Variants in HS1BP3 observed in about 807,000 individuals in gnomAD.
HS1BP3 encodes HCLS1-binding protein 3.
In HS1BP3, 32 loss-of-function variants were observed where a neutral mutation model predicts 33.5. The ratio of observed to expected loss-of-function variants is 0.95; its 90% CI spans 0.72 to 1.28. The LOEUF (loss-of-function observed/expected upper bound fraction) is 1.28, where lower values mean the gene tolerates loss of function less well. HS1BP3 is among the 50% of genes most tolerant of loss of function. The pLI, the probability that HS1BP3 is intolerant of heterozygous loss-of-function variation, is 0.00. For synonymous variants in HS1BP3, 187 were observed against 209.2 expected (o/e 0.89, Z 0.92); for missense variants, 486 against 502.3 (o/e 0.97, Z 0.31).
chr2:20,557,169 G>GATGCAA (rs1692861238), downstream of HS1BP3, among the ~76,000 whole-genome samples: 1 of 152,192 alleles, frequency 6.6e-6, no homozygotes, highest in African/African-American at 2.4e-5. Flanking sequence ...TGTAAATTCT[G>GATGCAA]ATGCAAATGC....
chr2:20,578,276 G>A (rs1487032448), intron 5 of HS1BP3, among the ~76,000 whole-genome samples: 6 of 152,316 alleles, frequency 3.9e-5, no homozygotes, highest in Non-Finnish European at 5.9e-5. Flanking sequence ...CCTCAGAGGC[G>A]GGATGGGATG....
downstream of HS1BP3, among the ~76,000 whole-genome samples, chr2:20,559,761 G>A (rs1028363934): frequency 6.6e-6 from 1 of 151,972 alleles, no homozygotes. Context: ...ATGGATAGAT[G>A]GGTGGCAGAC....
downstream of HS1BP3, among the ~76,000 whole-genome samples, chr2:20,614,211 C>T (rs921812955): frequency 1.9e-4 from 29 of 152,326 alleles, no homozygotes; most frequent in African/African-American, 7.0e-4. Context: ...AAGTAGGATC[C>T]TTCCCTAGAG....
At position 20,580,694 on chromosome 2, in the gene HS1BP3, A is replaced by T. The variant is rs1239892567; in HGVS notation, c.303-20179T>A. Reference sequence around the variant, plus strand: ...TTATCAGAGAAATGCAAATTAAAACAGTGAGATTCTCCTTTACACTTATGA... The same window carrying T: ...TTATCAGAGAAATGCAAATTAAAACTGTGAGATTCTCCTTTACACTTATGA... On this transcript the variant is annotated intron_variant, in intron 5 of 5. Coordinates refer to the HS1BP3 transcript ENST00000446825. Among the ~76,000 whole-genome samples the T allele has an allele frequency of 2.3e-4, 35 of 152,198 alleles. 1 individual carries two copies.
intron 1 of HS1BP3, among the ~76,000 whole-genome samples, chr2:20,650,615 G>A (rs371891895): frequency 6.6e-6 from 1 of 152,242 alleles, no homozygotes; most frequent in Non-Finnish European, 1.5e-5. Flanking sequence ...CCCCTGCAGG[G>A]CGAGCTTGTC....
downstream of HS1BP3, among the ~76,000 whole-genome samples, chr2:20,557,223 C>CT (rs1558312387): frequency 1.3e-5 from 2 of 152,304 alleles, no homozygotes; most frequent in South Asian, 4.1e-4. Flanking sequence ...CAAGTGACCT[C>CT]TTTTTTTATT....
intron 5 of HS1BP3, chr2:20,586,181 C>A (rs1334822533): frequency 6.6e-6 from 1 of 152,278 alleles, no homozygotes; most frequent in East Asian, 1.9e-4. Flanking sequence ...CCGTCCTGCC[C>A]TTTGAGGGGG....
chr2:20,585,282 G>T (rs73919926), intron 5 of HS1BP3, among the ~76,000 whole-genome samples: 11,830 of 152,214 alleles, frequency 0.078, 635 homozygotes, highest in African/African-American at 0.15. Flanking sequence ...CTCAGCGCTA[G>T]GCTGAGCCCT....
chr2:20,618,597 T>A lies in HS1BP3; in HGVS notation c.*390A>T. On this transcript the variant is annotated 3_prime_UTR_variant, in exon 7 of 7. Coordinates refer to ENST00000304031, the MANE Select transcript of HS1BP3 (RefSeq NM_022460.4). Reference sequence around the variant, plus strand: ...GAGGCCCAGCCCCAGTTTGGGTCTGTGCTGGGGCTGGCAGAACCCGTGGGC... The same window carrying A: ...GAGGCCCAGCCCCAGTTTGGGTCTGAGCTGGGGCTGGCAGAACCCGTGGGC... The A allele has an allele frequency of 4.8e-6, 3 of 620,916 alleles. No individual in the cohort carries two copies. The highest frequency in any genetic ancestry group is 6.3e-6 in the Non-Finnish European group (3 of 477,554). The allele number at this position is 620,916 out of a possible 1,614,324, so 38.5% of individuals were successfully genotyped here. A position where few individuals can be genotyped will look rare whatever the true frequency, so the allele number is the denominator to read the frequency against.
At chr2:20,626,906 C>A (rs62122089) in intron 4 of HS1BP3, among the ~76,000 whole-genome samples, 53,785 of 152,052 alleles carry the variant, frequency 0.35, 10,013 homozygotes, top group East Asian at 0.62. Flanking sequence ...TCAGGCAGAG[C>A]CAGCTCGGCT....
At chr2:20,628,570 G>C (rs1441564361) in intron 4 of HS1BP3, among the ~76,000 whole-genome samples, 2 of 152,068 alleles carry the variant, frequency 1.3e-5, no homozygotes, top group East Asian at 3.9e-4. Context: ...CAGGGATGTA[G>C]GTTGCAGTGA....
chr2:20,601,869 T>C (rs1013361009), intron 2 of HS1BP3, among the ~76,000 whole-genome samples: 10 of 137,060 alleles, frequency 7.3e-5, no homozygotes, highest in East Asian at 2.4e-4. Context: ...AGCTCCGCCT[T>C]CCAGGTTCAC....
At chr2:20,644,952 C>T (rs1695470530) in intron 2 of HS1BP3, among the ~76,000 whole-genome samples, 1 of 152,200 alleles carries the variant, frequency 6.6e-6, no homozygotes, top group South Asian at 2.1e-4. Flanking sequence ...CGTGCCTTTG[C>T]TTAGGATGTG....
intron 3 of HS1BP3, among the ~76,000 whole-genome samples, chr2:20,639,455 C>T (rs1023136350): frequency 6.6e-6 from 1 of 152,208 alleles, no homozygotes; most frequent in Non-Finnish European, 1.5e-5. Flanking sequence ...TGGGCTCAGA[C>T]TATTTGTTCA....
downstream of HS1BP3, among the ~76,000 whole-genome samples, chr2:20,559,600 A>G (rs1444076377): frequency 1.3e-5 from 2 of 148,388 alleles, no homozygotes; most frequent in East Asian, 4.1e-4. Context: ...AGGTGGATGA[A>G]TGGATGGGTG....
At chr2:20,558,833 A>C (rs1023192288), downstream of HS1BP3, among the ~76,000 whole-genome samples, 2 of 152,130 alleles carry the variant, frequency 1.3e-5, no homozygotes, top group African/African-American at 2.4e-5. Flanking sequence ...GCCCATGACC[A>C]CAGAGGGGGT....
At chr2:20,622,639 A>G (rs1694642235) in intron 6 of HS1BP3, 1 of 271,570 alleles carries the variant, frequency 3.7e-6, no homozygotes, top group African/African-American at 2.2e-5. Context: ...ACGGATTTAG[A>G]ATAAACTAGG....
intron 5 of HS1BP3, among the ~76,000 whole-genome samples, chr2:20,581,091 C>T (rs1015088871): frequency 4.6e-5 from 7 of 152,222 alleles, no homozygotes; most frequent in Admixed American, 4.6e-4. Flanking sequence ...CAGGCTCTCA[C>T]ACCCGGCCCA....
Position 20,619,055 on chromosome 2 carries a change from C to G in HS1BP3, c.1111G>C (p.Glu371Gln). 6.2e-7 allele frequency: 1 copy of G among 1,614,188 alleles called. No homozygotes were observed. Among genetic ancestry groups the G allele is most frequent in the Non-Finnish European group, 8.5e-7 (1 of 1,180,030 alleles). ...TGGATGTACTGCAAGATGTCCATCTCGTCCATGGCTTGGATCTGCTCCTGC... is the reference window on the plus strand; with the variant it reads ...TGGATGTACTGCAAGATGTCCATCTGGTCCATGGCTTGGATCTGCTCCTGC... ...KPQEQIQAMD[E>Q]MDILQYIQDH... The change falls in exon 7 of 7, where the codon GAG (glutamate) becomes CAG (glutamine). Residue 371 changes from glutamate (E) to glutamine (Q), a missense_variant. Glu to Gln is a conservative substitution (Grantham distance 29, BLOSUM62 2). Coordinates refer to ENST00000304031, the MANE Select transcript of HS1BP3 (RefSeq NM_022460.4).
Sources: gnomAD v4.1 joint callset for allele counts (sites outside exome capture counted in the v4.1 genomes callset) on GRCh38, gnomAD v4.1.1 for gene constraint, MANE v1.5 for transcripts, NCBI Gene and HGNC (gene_info 2026-07-23, HGNC 2026-07-21) for gene names.